FANCD2: variants seen among roughly 807,000 people sequenced by gnomAD.
The protein encoded by FANCD2 is FA complementation group D2, also known as Fanconi anemia group D2 protein.
Under a neutral mutation model 192.3 loss-of-function variants are expected in FANCD2, and 131 were observed. That is an observed-to-expected ratio of 0.68 (90% confidence interval 0.59 to 0.79). The LOEUF is 0.79. Ranked by LOEUF, FANCD2 falls within the 30% of genes least tolerant of loss-of-function variation. FANCD2 has a pLI of 0.00. For synonymous variants in FANCD2, 524 were observed against 612.5 expected (o/e 0.86, Z 2.13); for missense variants, 1,508 against 1,701.6 (o/e 0.89, Z 2.00).
intron 12 of FANCD2, 128 bp downstream of exon 12, chr3:10,043,278 A>G (rs1270080357): frequency 2.9e-5 from 24 of 822,864 alleles, no homozygotes; most frequent in Non-Finnish European, 4.3e-5. Context: ...TTGTTTTTCA[A>G]ATTACATATA....
intron 26 of FANCD2, among the ~76,000 whole-genome samples, chr3:10,069,587 G>C (rs967951870): frequency 6.0e-5 from 9 of 150,562 alleles, no homozygotes; most frequent in East Asian, 2.0e-4. Flanking sequence ...TCAGCCTGCC[G>C]AGTGCCTGCG....
intron 14 of FANCD2, 190 bp from the exon 15 acceptor site, chr3:10,046,390 T>C (rs2087011674): frequency 1.9e-5 from 17 of 890,834 alleles, no homozygotes; most frequent in Non-Finnish European, 2.3e-5. Context: ...GGTTAACAGT[T>C]GTGGCACTTT....
In FANCD2 at chr3:10,078,178, G is replaced by A. The variant is rs1693635665; in HGVS notation, c.2957G>A (p.Arg986Lys). ...AGTATGCTGACACCTCCTATTGCCA[G>A]GAGAGTCCCCTTTCTCAAGGTTAGT... ...LESMLTPPIARRVPFLKNKGS... is the reference protein window; with the variant it reads ...LESMLTPPIAKRVPFLKNKGS... Residue 986 changes from arginine (R) to lysine (K), a missense_variant, in exon 30 of 44, where the codon AGG (arginine) becomes AAG (lysine). Transcript: ENST00000675286. 1 of 1,610,480 alleles carries A rather than the reference G, an allele frequency of 6.2e-7. No individual in the cohort carries two copies. Among genetic ancestry groups the A allele is most frequent in the Non-Finnish European group, 8.5e-7 (1 of 1,177,012 alleles).
chr3:10,033,854 T>C (rs34765690), intron 3 of FANCD2, among the ~76,000 whole-genome samples: 34,016 of 150,898 alleles, frequency 0.23, 4,968 homozygotes, highest in African/African-American at 0.42. Context: ...CCCGCCACCA[T>C]GCCTGACTAA....
chr3:10,085,401 T>A (rs1478007463), intron 32 of FANCD2, among the ~76,000 whole-genome samples: 2 of 150,048 alleles, frequency 1.3e-5, no homozygotes, highest in Non-Finnish European at 3.0e-5. Flanking sequence ...TTTCTTTTTT[T>A]TTTTTTTTTG....
intron 30 of FANCD2, among the ~76,000 whole-genome samples, chr3:10,079,507 T>C (rs775920266): frequency 1.3e-5 from 2 of 152,074 alleles, no homozygotes; most frequent in Non-Finnish European, 2.9e-5. Context: ...GGTTTTAACA[T>C]GTTCATCAGG....
At position 10,085,914 on chromosome 3, in the gene FANCD2, A is replaced by T. The variant is rs1243384526; in HGVS notation, c.3327A>T (p.Glu1109Asp). The T allele has an allele frequency of 1.2e-6, 2 of 1,607,422 alleles. No individual in the cohort carries two copies. The highest frequency in any genetic ancestry group is 1.7e-6 in the Non-Finnish European group (2 of 1,174,022). Residue 1109 changes from glutamate (E) to aspartate (D), a missense_variant, in exon 33 of 44, where the codon GAA (glutamate) becomes GAT (aspartate). Glu to Asp is a conservative substitution (Grantham distance 45). Around this residue, in one of 5 missense-constraint regions of FANCD2, gnomAD observed 796 missense variants for 879.4 expected, o/e 0.91. Coordinates refer to ENST00000675286, the MANE Select transcript of FANCD2 (RefSeq NM_001018115.3). ...KQGEHSQPLE[E>D]LLSQSVHYLQ... ...GAGAACACAGCCAGCCTTTGGAGGAACTACTCAGGTGAGTCATAACTACAT... is the reference window on the plus strand; with the variant it reads ...GAGAACACAGCCAGCCTTTGGAGGATCTACTCAGGTGAGTCATAACTACAT...
chr3:10,062,502 A>G (rs35149829), intron 20 of FANCD2, among the ~76,000 whole-genome samples: 3 of 151,964 alleles, frequency 2.0e-5, no homozygotes, highest in Non-Finnish European at 4.4e-5. Flanking sequence ...TCGGCCTCCC[A>G]AAGTGCTGGG....
intron 33 of FANCD2, among the ~76,000 whole-genome samples, chr3:10,086,509 TGA>T (rs1244207183): frequency 2.0e-5 from 3 of 152,078 alleles, no homozygotes; most frequent in Non-Finnish European, 2.9e-5. Flanking sequence ...TTTTTTTCTT[TGA>T]GAGAGAGTCT....
intron 19 of FANCD2, 87 bp downstream of exon 19, chr3:10,060,490 G>A (rs1002630156): frequency 2.7e-5 from 27 of 1,013,616 alleles, no homozygotes; most frequent in Non-Finnish European, 4.0e-5. Flanking sequence ...CATTTTAGCA[G>A]TAGAAGTTAC....
In FANCD2 at chr3:10,065,504, GAA is replaced by G. The variant is rs1361746573; in HGVS notation, c.2269+11_2269+12del. The G allele has an allele frequency of 4.6e-6, 7 of 1,515,230 alleles. No homozygotes were observed. The highest frequency in any genetic ancestry group is 3.4e-4 in the Middle Eastern group (2 of 5,878). 93.9% of individuals were successfully genotyped at this position (1,515,230 alleles called of 1,614,324 possible). On this transcript the variant is annotated intron_variant, in intron 24 of 43. Transcript: ENST00000675286. ...ATTGATGGTCTACTAGGTATGGGAT[GAA>G]GTCATCAGATCCTTTCTTCTTTATA...
chr3:10,033,251 A>G (rs1015641843), intron 3 of FANCD2, among the ~76,000 whole-genome samples: 5 of 152,150 alleles, frequency 3.3e-5, no homozygotes, highest in Non-Finnish European at 7.3e-5. Context: ...AATATAAAAA[A>G]TTAGCCGGGC....
At chr3:10,079,336 G>A (rs905963377) in intron 30 of FANCD2, among the ~76,000 whole-genome samples, 2 of 152,012 alleles carry the variant, frequency 1.3e-5, no homozygotes, top group Non-Finnish European at 2.9e-5. Flanking sequence ...ACGGAGTCTC[G>A]CTGTGTCTCC....
intron 2 of FANCD2, among the ~76,000 whole-genome samples, chr3:10,028,957 G>A (rs1180458839): frequency 6.6e-6 from 1 of 152,186 alleles, no homozygotes; most frequent in Non-Finnish European, 1.5e-5. Flanking sequence ...AGAGGAATTA[G>A]TGTTACAGAC....
intron 43 of FANCD2, 177 bp downstream of exon 43, chr3:10,098,992 A>C (rs375632206): frequency 6.2e-7 from 1 of 1,613,810 alleles, no homozygotes; most frequent in Non-Finnish European, 8.5e-7. Flanking sequence ...CAGAAGAAAC[A>C]ACGACACAAT....
chr3:10,088,385 C>A, intron 34 of FANCD2, 64 bp from the exon 35 acceptor site: 1 of 995,102 alleles, frequency 1.0e-6, no homozygotes, highest in African/African-American at 1.6e-5. Flanking sequence ...TCCTCAAAAA[C>A]CTGAAAAGCA....
rs762683227 is a variant in FANCD2, at chr3:10,078,090, G to A, written c.2869G>A (p.Val957Ile). Residue 957 changes from valine to isoleucine, a missense_variant, in exon 30 of 44, where the codon GTT becomes ATT. Physicochemically the swap from Val to Ile is conservative, Grantham distance 29. Transcript: ENST00000675286. ...DTEMHTEATE[V>I]VQLGPPELLF... ...TTCCTCCATGTGACAGGCTACAGAA[G>A]TTGTGCAACTTGGGCCCCCTGAGCT... 10 of 1,611,254 alleles carry A rather than the reference G, an allele frequency of 6.2e-6. No homozygotes were observed. Among genetic ancestry groups the A allele is most frequent in the Non-Finnish European group, 8.5e-6 (10 of 1,177,528 alleles).
At chr3:10,032,255 G>T (rs951155682) in intron 2 of FANCD2, 15 of 376,330 alleles carry the variant, frequency 4.0e-5, no homozygotes, top group Non-Finnish European at 7.7e-5. Context: ...ATTTCTGTGG[G>T]TTATTCTTGT....
At position 10,043,573 on chromosome 3, in the gene FANCD2, T is replaced by C. The variant is rs2086920873; in HGVS notation, c.1079T>C (p.Ile360Thr). 1 of 1,612,690 alleles carries C rather than the reference T, an allele frequency of 6.2e-7. No homozygotes were observed. Among genetic ancestry groups the C allele is most frequent in the Non-Finnish European group, 8.5e-7 (1 of 1,178,682 alleles). Residue 360 changes from isoleucine to threonine, a missense_variant, in exon 13 of 44, where the codon ATT becomes ACT. By Grantham distance (89) the Ile-to-Thr change is moderately conservative. Around this residue, in one of 5 missense-constraint regions of FANCD2, gnomAD observed 435 missense variants for 421.9 expected, o/e 1.03. Coordinates refer to ENST00000675286, the MANE Select transcript of FANCD2 (RefSeq NM_001018115.3). ...TCAGCTATTAGATATGAGAAAACCA[T>C]TTCAGAAGCCTGGATTAAGGTGAGA... ...IKSAIRYEKT[I>T]SEAWIKAIEN...
Sources: gnomAD v4.1 joint callset for allele counts (sites outside exome capture counted in the v4.1 genomes callset) on GRCh38, gnomAD v4.1.1 for gene constraint, gnomAD v4.1.1 regional missense constraint, MANE v1.5 for transcripts, NCBI Gene and HGNC (gene_info 2026-07-23, HGNC 2026-07-21) for gene names.